The following IKZF2 variants were observed in gnomAD, a reference collection of about 807,000 sequenced individuals.
IKZF2 encodes zinc finger protein Helios.
A neutral mutation model predicts 49.2 loss-of-function variants in IKZF2; 15 were observed. That is an observed-to-expected ratio of 0.30 (90% CI 0.20 to 0.47). The LOEUF (loss-of-function observed/expected upper bound fraction) is 0.47. Among genes scored for constraint, IKZF2 ranks in the 20% least tolerant of loss-of-function variants. The pLI is 1.00. For missense variants in IKZF2, 567 were observed against 664.6 expected, an observed-to-expected ratio of 0.85 and a Z score of 1.61; for synonymous variants, 227 against 221.4, an observed-to-expected ratio of 1.03 and a Z score of -0.23.
intron 4 of IKZF2, among the ~76,000 whole-genome samples, chr2:213,137,170 A>C (rs2060707841): frequency 6.6e-6 from 1 of 152,086 alleles, no homozygotes; most frequent in Non-Finnish European, 1.5e-5. Flanking sequence ...TCATTAGGTC[A>C]TTAATGTGTC....
intron 6 of IKZF2, among the ~76,000 whole-genome samples, chr2:213,022,479 G>A (rs1265452140): frequency 6.8e-6 from 1 of 146,688 alleles, no homozygotes; most frequent in Non-Finnish European, 1.5e-5. Context: ...GAGTATCCTA[G>A]ATACATCAAG....
intron 8 of IKZF2, among the ~76,000 whole-genome samples, chr2:213,008,933 C>G (rs968441339): frequency 1.3e-5 from 2 of 151,924 alleles, no homozygotes; most frequent in Non-Finnish European, 2.9e-5. Context: ...TATTAAAATA[C>G]TTTTAAAAGT....
chr2:213,068,912 A>AAAACACACACACAC (rs1702406279), intron 4 of IKZF2, among the ~76,000 whole-genome samples: 1 of 147,186 alleles, frequency 6.8e-6, no homozygotes, highest in Non-Finnish European at 1.5e-5. Flanking sequence ...GGAGGGAGAA[A>AAAACACACACACAC]ACACACACAC....
intron 7 of IKZF2, among the ~76,000 whole-genome samples, chr2:213,015,719 G>T (rs558546502): frequency 6.6e-6 from 1 of 151,924 alleles, no homozygotes. Flanking sequence ...AGCAGTCCAA[G>T]TATGGACCAA....
intron 6 of IKZF2, among the ~76,000 whole-genome samples, chr2:213,043,795 T>C (rs1189297378): frequency 6.6e-6 from 1 of 152,192 alleles, no homozygotes; most frequent in African/African-American, 2.4e-5. Context: ...GCAGTAATGC[T>C]TGCTCACTGC....
Position 213,007,512 on chromosome 2 carries a change from G to C in IKZF2, c.1429C>G (p.Arg477Gly), listed in dbSNP as rs758721261. Reference sequence around the variant, plus strand: ...ATGACATGGTCTAGGAAAAGGACTCGGCAGTGCTCACACTTGAAGGCCCTA... The same window carrying C: ...ATGACATGGTCTAGGAAAAGGACTCCGCAGTGCTCACACTTGAAGGCCCTA... ...QIRAFKCEHC[R>G]VLFLDHVMYT... Residue 477 changes from arginine (R) to glycine (G), a missense_variant, in exon 9 of 9, where the codon CGA becomes GGA. Arg to Gly is a moderately radical substitution (Grantham distance 125). This residue lies in a region of IKZF2 where 22 missense variants were observed against 52.3 expected (regional missense o/e 0.42). Transcript: ENST00000434687. 1 of 1,613,674 alleles carries C rather than the reference G, an allele frequency of 6.2e-7. No homozygotes were observed. Among genetic ancestry groups the C allele is most frequent in the South Asian group, 1.1e-5 (1 of 91,068 alleles).
At chr2:213,118,732 A>G (rs202245659) in intron 4 of IKZF2, among the ~76,000 whole-genome samples, 1 of 132,082 alleles carries the variant, frequency 7.6e-6, no homozygotes, top group Non-Finnish European at 1.7e-5. Flanking sequence ...GTGCTTGTGA[A>G]AAAAGAGTCT....
intron 1 of IKZF2, among the ~76,000 whole-genome samples, chr2:213,151,004 A>T (rs764147574): frequency 6.6e-6 from 1 of 151,874 alleles, no homozygotes; most frequent in Non-Finnish European, 1.5e-5. Context: ...TTGGAATTCA[A>T]GTTAAAACAA....
intron 7 of IKZF2, chr2:213,015,158 A>G (rs1696431550): frequency 6.6e-6 from 1 of 152,112 alleles, no homozygotes; most frequent in South Asian, 2.1e-4. Context: ...CCAATTTTGA[A>G]GAAAATGAAA....
intron 5 of IKZF2, among the ~76,000 whole-genome samples, chr2:213,055,823 C>T (rs983098185): frequency 2.0e-5 from 3 of 151,940 alleles, no homozygotes; most frequent in Non-Finnish European, 4.4e-5. Context: ...GTTTTAAGCA[C>T]GTAATTGTTA....
intron 5 of IKZF2, among the ~76,000 whole-genome samples, chr2:213,053,852 T>C (rs1056801990): frequency 6.6e-6 from 1 of 152,152 alleles, no homozygotes; most frequent in African/African-American, 2.4e-5. Flanking sequence ...GACACTGCAA[T>C]TGGTACTTTA....
At chr2:213,051,295 C>T (rs1357461333) in intron 5 of IKZF2, among the ~76,000 whole-genome samples, 1 of 151,902 alleles carries the variant, frequency 6.6e-6, no homozygotes, top group Admixed American at 6.6e-5. Flanking sequence ...AAGTATATCT[C>T]AAATTCTGTA....
chr2:213,049,925 CAAG>C, intron 5 of IKZF2, 45 bp from the exon 6 acceptor site: 1 of 1,362,000 alleles, frequency 7.3e-7, no homozygotes, highest in East Asian at 2.6e-5. Context: ...AGGGTATGTG[CAAG>C]TGACTAATTT....
At chr2:213,092,867 T>A (rs1705512710) in intron 4 of IKZF2, among the ~76,000 whole-genome samples, 2 of 152,158 alleles carry the variant, frequency 1.3e-5, no homozygotes, top group Non-Finnish European at 2.9e-5. Context: ...CACAGCTCTA[T>A]GTCAGCAGAG....
intron 7 of IKZF2, among the ~76,000 whole-genome samples, chr2:213,020,255 C>T (rs1202818664): frequency 6.6e-6 from 1 of 152,106 alleles, no homozygotes; most frequent in Non-Finnish European, 1.5e-5. Context: ...AATGAAACTT[C>T]TAATGCTTAA....
At chr2:213,045,970 T>C (rs1700110969) in intron 6 of IKZF2, among the ~76,000 whole-genome samples, 1 of 152,220 alleles carries the variant, frequency 6.6e-6, no homozygotes. Context: ...ATTCAGCAGA[T>C]GCAATGATTT....
intron 4 of IKZF2, among the ~76,000 whole-genome samples, chr2:213,102,405 T>C (rs1257143374): frequency 6.6e-6 from 1 of 152,118 alleles, no homozygotes; most frequent in Non-Finnish European, 1.5e-5. Context: ...AAATGTATAG[T>C]ACCATACAGG....
At chr2:213,105,018 C>T (rs2059477305) in intron 4 of IKZF2, among the ~76,000 whole-genome samples, 2 of 151,902 alleles carry the variant, frequency 1.3e-5, no homozygotes, top group Admixed American at 6.6e-5. Flanking sequence ...CCAGAGATTC[C>T]CTCCCCTCCC....
chr2:213,028,074 T>C lies in IKZF2; in HGVS notation c.575-5944A>G, dbSNP rs552107845. On this transcript the variant is annotated intron_variant, in intron 6 of 8. Transcript: ENST00000434687. The stretch of plus-strand genomic sequence containing the variant: ...TGGCTATTTCAACTTAATTTTTATA[T>C]ATGGCATAAGAGTCTTAGACCATTT... Among the ~76,000 whole-genome samples, 15 of 152,316 alleles carry C rather than the reference T, an allele frequency of 9.8e-5. No homozygotes were observed. In the Middle Eastern group the frequency reaches 0.01, roughly 104 times the overall value.
Sources: gnomAD v4.1 joint callset for allele counts (sites outside exome capture counted in the v4.1 genomes callset) on GRCh38, gnomAD v4.1.1 for gene constraint, gnomAD v4.1.1 regional missense constraint, MANE v1.5 for transcripts, NCBI Gene and HGNC (gene_info 2026-07-23, HGNC 2026-07-21) for gene names.